NTRK3: variants seen among roughly 807,000 people sequenced by gnomAD.
NTRK3 encodes neurotrophic receptor tyrosine kinase 3.
Under a neutral mutation model 91.7 loss-of-function variants are expected in NTRK3, and 24 were observed. That is an observed-to-expected ratio of 0.26 (90% CI 0.19 to 0.37). The LOEUF is 0.37. Ranked by LOEUF, NTRK3 falls within the 10% of genes least tolerant of loss-of-function variation. The pLI, the probability that NTRK3 is intolerant of heterozygous loss-of-function variation, is 1.00. For synonymous variants in NTRK3, 483 were observed against 404.0 expected (o/e 1.20, Z -2.34); for missense variants, 880 against 1,068.9 (o/e 0.82, Z 2.46).
chr15:88,081,741 G>A lies in NTRK3; in HGVS notation c.1396+44530C>T, dbSNP rs148636429. 7.9e-5 allele frequency among the ~76,000 whole-genome samples: 12 copies of A among 152,324 alleles called. No individual in the cohort carries two copies. In the East Asian group the frequency reaches 2.3e-3, roughly 29 times the overall value. On this transcript the variant is annotated intron_variant, in intron 13 of 18. Coordinates refer to ENST00000394480, the Ensembl canonical transcript of NTRK3. Reference sequence around the variant, plus strand: ...AAATGGGGCTGAAGTACCTGAGACAGGGCTGGTTCCCATGCCCGCTTGTTC... The same window carrying A: ...AAATGGGGCTGAAGTACCTGAGACAAGGCTGGTTCCCATGCCCGCTTGTTC...
At chr15:87,885,809 A>T (rs2065500665) in intron 17 of NTRK3, 74 bp from the exon 18 acceptor site, 1 of 585,078 alleles carries the variant, frequency 1.7e-6, no homozygotes, top group Admixed American at 4.2e-5. Flanking sequence ...TCAGAAAAGG[A>T]AGGCCTTCCT....
At chr15:87,933,314 G>C in intron 15 of NTRK3, 130 bp from the exon 16 acceptor site, 1 of 879,452 alleles carries the variant, frequency 1.1e-6, no homozygotes, top group East Asian at 2.6e-5. Flanking sequence ...GGAATTTAAA[G>C]ACAATGAAGC....
intron 13 of NTRK3, among the ~76,000 whole-genome samples, chr15:88,067,460 C>A (rs1163419226): frequency 6.6e-6 from 1 of 151,960 alleles, no homozygotes; most frequent in Admixed American, 6.6e-5. Context: ...TTTTTTTTAA[C>A]CCTCAAACTG....
chr15:87,953,630 G>T (rs1461363506), intron 14 of NTRK3, among the ~76,000 whole-genome samples: 1 of 152,094 alleles, frequency 6.6e-6, no homozygotes, highest in East Asian at 1.9e-4. Context: ...TCTTTGGGTG[G>T]CCCCAGAAGA....
At chr15:88,145,258 T>A (rs144168625) in intron 6 of NTRK3, among the ~76,000 whole-genome samples, 54 of 152,300 alleles carry the variant, frequency 3.5e-4, no homozygotes, top group African/African-American at 1.3e-3. Flanking sequence ...ACGCGGCCCC[T>A]CCAGCCAAAA....
intron 11 of NTRK3, 49 bp from the exon 12 acceptor site, chr15:88,127,275 G>A (rs374805714): frequency 1.9e-6 from 3 of 1,543,554 alleles, no homozygotes; most frequent in African/African-American, 2.7e-5. Flanking sequence ...TCCCGGCTGG[G>A]GAGGCTCAGC....
intron 5 of NTRK3, among the ~76,000 whole-genome samples, chr15:88,160,077 G>A (rs369783498): frequency 2.6e-5 from 4 of 151,994 alleles, no homozygotes; most frequent in South Asian, 2.1e-4. Flanking sequence ...TGAGGGTCCC[G>A]GGATGAGTGG....
At position 88,234,446 on chromosome 15, in the gene NTRK3, C is replaced by A. The variant is rs1283169451; in HGVS notation, c.248+21460G>T. ...GCCTGCACAGTCTCTCCCCTCTCGA[C>A]TTCCCCAGCCAGAATGAACTTTCTT... On this transcript the variant is annotated intron_variant, in intron 3 of 18. Coordinates refer to ENST00000394480, the Ensembl canonical transcript of NTRK3. This position sits in a 1 kb window ranked among gnomAD's most constrained non-coding sequence, Gnocchi z 6.1. Among the ~76,000 whole-genome samples the A allele has an allele frequency of 6.6e-6, 1 of 152,220 alleles. No individual in the cohort carries two copies. Among genetic ancestry groups the A allele is most frequent in the Non-Finnish European group, 1.5e-5 (1 of 68,038 alleles).
At chr15:88,119,431 A>G (rs761987746) in intron 13 of NTRK3, among the ~76,000 whole-genome samples, 1 of 152,210 alleles carries the variant, frequency 6.6e-6, no homozygotes, top group Non-Finnish European at 1.5e-5. Flanking sequence ...TTTGTCAAAT[A>G]CTAGGCATTT....
intron 17 of NTRK3, among the ~76,000 whole-genome samples, chr15:87,890,570 TACACACACACACACACAC>T (rs58806302): frequency 6.8e-6 from 1 of 147,728 alleles, no homozygotes; most frequent in Non-Finnish European, 1.5e-5. Flanking sequence ...GCTTGTTCTT[TACACACACACACACACAC>T]ACACACACAC....
At position 88,095,133 on chromosome 15, in the gene NTRK3, A is replaced by C. The variant is rs2049451167; in HGVS notation, c.1396+31138T>G. ...TGACATTCAATCACTGCAAGAAGGA[A>C]GAGTGAGAACAGCTTGTGTTCTCTA... On this transcript the variant is annotated intron_variant, in intron 13 of 18. Transcript: ENST00000394480. 2.6e-5 allele frequency among the ~76,000 whole-genome samples: 4 copies of C among 152,340 alleles called. No homozygotes were observed. In the South Asian group the frequency reaches 8.3e-4, roughly 32 times the overall value.
chr15:88,117,518 G>C (rs911720102), intron 13 of NTRK3, among the ~76,000 whole-genome samples: 1 of 152,222 alleles, frequency 6.6e-6, no homozygotes, highest in African/African-American at 2.4e-5. Context: ...CTTAAGCCAT[G>C]ATGGATTTTG....
chr15:87,863,984 C>CACACACAT (rs755383158), exon 19 of NTRK3: 8,935 of 206,588 alleles, frequency 0.043, 155 homozygotes, highest in African/African-American at 0.065. Flanking sequence ...TACACACACA[C>CACACACAT]ACACACACAT....
chr15:87,978,548 A>T (rs1050499588), intron 14 of NTRK3: 1 of 228,706 alleles, frequency 4.4e-6, no homozygotes, highest in Non-Finnish European at 8.7e-6. Flanking sequence ...GTTCATGGGT[A>T]AAACCTCCTG....
In NTRK3 at chr15:87,977,950, C is replaced by T. The variant is rs1173953274; in HGVS notation, c.1586-37197G>A. On this transcript the variant is annotated intron_variant, in intron 14 of 18. Transcript: ENST00000394480. ...AGTGTGCAACACCACCCCAAAACAA[C>T]GGTGGGTTAAAACAACCACCTTTTT... 5.2e-5 allele frequency: 12 copies of T among 232,376 alleles called. No individual in the cohort carries two copies. In the South Asian group the frequency reaches 5.4e-4, roughly 11 times the overall value. 14.4% of individuals were successfully genotyped at this position (232,376 alleles called of 1,614,324 possible).
At chr15:87,960,094 G>T (rs908650985) in intron 14 of NTRK3, among the ~76,000 whole-genome samples, 1 of 152,202 alleles carries the variant, frequency 6.6e-6, no homozygotes, top group Admixed American at 6.5e-5. Flanking sequence ...AAAATAGGAA[G>T]TGCTCTGCCT....
At chr15:87,997,173 C>T (rs2075768182) in intron 14 of NTRK3, among the ~76,000 whole-genome samples, 1 of 152,214 alleles carries the variant, frequency 6.6e-6, no homozygotes, top group Non-Finnish European at 1.5e-5. Flanking sequence ...GATAACTATA[C>T]TTCCCTTGGA....
chr15:87,932,990 G>A (rs36009916), intron 16 of NTRK3, 22 bp downstream of exon 16: 5 of 1,613,476 alleles, frequency 3.1e-6, no homozygotes, highest in Non-Finnish European at 4.2e-6. Flanking sequence ...GTCAGGTGCA[G>A]GGGAAGACAA....
chr15:88,075,804 A>C (rs117446228), intron 13 of NTRK3, among the ~76,000 whole-genome samples: 235 of 152,336 alleles, frequency 1.5e-3, no homozygotes, highest in East Asian at 7.9e-3. Context: ...AGGGGGTGTC[A>C]CATGAGAGTC....
Sources: allele counts gnomAD v4.1 joint callset (sites outside exome capture counted in the v4.1 genomes callset), GRCh38; gene constraint gnomAD v4.1.1; non-coding constraint Gnocchi (gnomAD v3.1); transcripts MANE v1.5; gene names NCBI Gene and HGNC (gene_info 2026-07-23, HGNC 2026-07-21).